Variants in AMMECR1L observed in about 807,000 individuals in gnomAD.
AMMECR1L encodes the protein AMMECR1 like, also known as AMMECR1-like protein.
In AMMECR1L, 4 loss-of-function variants were observed where a neutral mutation model predicts 36.8. The ratio of observed to expected loss-of-function variants is 0.11; its 90% CI spans 0.05 to 0.25. The LOEUF (loss-of-function observed/expected upper bound fraction) is 0.25, where lower values mean the gene tolerates loss of function less well. Among genes scored for constraint, AMMECR1L ranks in the 10% least tolerant of loss-of-function variants. AMMECR1L has a pLI of 1.00. For missense variants in AMMECR1L, 232 were observed against 392.1 expected (o/e 0.59, Z 3.45); for synonymous variants, 147 against 148.0 (o/e 0.99, Z 0.05).
intron 1 of AMMECR1L, chr2:127,885,490 C>T (rs896583615): frequency 2.0e-6 from 2 of 983,666 alleles, no homozygotes; most frequent in Non-Finnish European, 2.4e-6. Flanking sequence ...AGCGAGCGAG[C>T]CTGCTTCCTG....
chr2:127,870,299 C>T (rs1331605552), intron 5 of AMMECR1L, among the ~76,000 whole-genome samples: 1 of 141,800 alleles, frequency 7.1e-6, no homozygotes, highest in Non-Finnish European at 1.5e-5. Context: ...GGCGACAGAG[C>T]GAGACTCTGT....
intron 2 of AMMECR1L, among the ~76,000 whole-genome samples, chr2:127,879,965 T>C (rs1270391970): frequency 2.0e-5 from 3 of 152,304 alleles, no homozygotes; most frequent in East Asian, 3.9e-4. Context: ...CTACCAAGGA[T>C]GGTACTGTGA....
chr2:127,873,868 A>T lies in AMMECR1L; in HGVS notation c.367T>A (p.Phe123Ile). Residue 123 changes from phenylalanine to isoleucine, a missense_variant, in exon 3 of 8, where the codon TTC (phenylalanine) becomes ATC (isoleucine). By Grantham distance (21) the Phe-to-Ile change is conservative (BLOSUM62 0). Around this residue, in one of 3 missense-constraint regions of AMMECR1L, gnomAD observed 83 missense variants for 229.5 expected, o/e 0.36. Transcript: ENST00000272647. The surrounding 1 kb of genome is among the most constrained non-coding windows in gnomAD (Gnocchi z 5.2). ...FDVLYCHLYG[F>I]PQPRLPRFTN... is the part of the protein sequence containing the mutation. The stretch of plus-strand genomic sequence containing the variant: ...AATCTAGGAAGTCGTGGCTGTGGGA[A>T]GCCATAGAGGTGACAGTAGAGTACG... The T allele has an allele frequency of 6.2e-7, 1 of 1,614,176 alleles. No homozygotes were observed. The highest frequency in any genetic ancestry group is 8.5e-7 in the Non-Finnish European group (1 of 1,180,040).
Position 127,869,390 on chromosome 2 carries a change from T to C in AMMECR1L, c.724+64A>G, listed in dbSNP as rs1573541130. 1.2e-5 allele frequency: 17 copies of C among 1,476,884 alleles called. No individual in the cohort carries two copies. Among genetic ancestry groups the C allele is most frequent in the Non-Finnish European group, 1.6e-5 (17 of 1,055,614 alleles). 91.5% of individuals were successfully genotyped at this position (1,476,884 alleles called of 1,614,324 possible). ...CTGCAAGATGACACACTTCACTTTC[T>C]TGCCCTTTAACTGGCACCACTGTGA... On this transcript the variant is annotated intron_variant, in intron 6 of 7. Coordinates refer to ENST00000272647, the MANE Select transcript of AMMECR1L (RefSeq NM_001199140.2). The surrounding 1 kb of genome is among the most constrained non-coding windows in gnomAD (Gnocchi z 4.7).
intron 2 of AMMECR1L, among the ~76,000 whole-genome samples, chr2:127,878,743 T>C (rs1448290332): frequency 6.6e-6 from 1 of 152,270 alleles, no homozygotes; most frequent in Non-Finnish European, 1.5e-5. Context: ...TGATTTGCAA[T>C]GAACAGAACC....
chr2:127,881,330 T>TTTTTTTTTTTTTTTTTTTTTTTTGA (rs1553491258), intron 2 of AMMECR1L, among the ~76,000 whole-genome samples: 1 of 150,694 alleles, frequency 6.6e-6, no homozygotes, highest in African/African-American at 2.4e-5. Context: ...AGACTGCTAT[T>TTTTTTTTTTTTTTTTTTTTTTTTGA]GACACAAAGA....
intron 3 of AMMECR1L, among the ~76,000 whole-genome samples, chr2:127,872,298 G>A (rs373058545): frequency 6.6e-6 from 1 of 151,420 alleles, no homozygotes; most frequent in African/African-American, 2.4e-5. Flanking sequence ...TCAGCCTCCC[G>A]AAGTGCTGAG....
At chr2:127,875,747 A>G (rs1186141835) in intron 2 of AMMECR1L, among the ~76,000 whole-genome samples, 1 of 152,098 alleles carries the variant, frequency 6.6e-6, no homozygotes, top group African/African-American at 2.4e-5. Context: ...CTTGCTTGAA[A>G]TAGGGGCTTC....
At chr2:127,882,682 C>T (rs1193529796) in intron 2 of AMMECR1L, among the ~76,000 whole-genome samples, 1 of 152,098 alleles carries the variant, frequency 6.6e-6, no homozygotes, top group Non-Finnish European at 1.5e-5. Flanking sequence ...CGGCTTTGAA[C>T]TTCTGTGCTC....
intron 2 of AMMECR1L, among the ~76,000 whole-genome samples, chr2:127,882,015 T>C (rs1361388105): frequency 6.6e-6 from 1 of 152,204 alleles, no homozygotes; most frequent in Non-Finnish European, 1.5e-5. Flanking sequence ...AGACATACAC[T>C]AAAATAGAGA....
At chr2:127,881,339 G>A (rs1691493839) in intron 2 of AMMECR1L, among the ~76,000 whole-genome samples, 1 of 105,342 alleles carries the variant, frequency 9.5e-6, no homozygotes, top group South Asian at 5.5e-4. Flanking sequence ...TTGACACAAA[G>A]ATGTGATGAT....
In AMMECR1L at chr2:127,871,377, C is replaced by CAA. The variant is rs758753870; in HGVS notation, c.408-20_408-19dup. On this transcript the variant is annotated intron_variant, in intron 3 of 7. Coordinates refer to ENST00000272647, the MANE Select transcript of AMMECR1L (RefSeq NM_001199140.2). The surrounding 1 kb of genome is among the most constrained non-coding windows in gnomAD (Gnocchi z 4.3). ...AGAGCGGACTAAAAAAAGCAAAACACAAAACATTCTCCAGCCCCAAATTAA... is the reference window on the plus strand; with the variant it reads ...AGAGCGGACTAAAAAAAGCAAAACACAAAAAACATTCTCCAGCCCCAAATTAA... 5.6e-6 allele frequency: 9 copies of CAA among 1,609,630 alleles called. No individual in the cohort carries two copies. The African/African-American group carries it at 1.1e-4, about 19-fold the overall frequency.
In AMMECR1L at chr2:127,864,892, G is replaced by T; in HGVS notation, c.*202C>A. The T allele has an allele frequency of 2.2e-6, 1 of 449,352 alleles. No homozygotes were observed. The highest frequency in any genetic ancestry group is 4.0e-5 in the Admixed American group (1 of 24,756). 27.8% of individuals were successfully genotyped at this position (449,352 alleles called of 1,614,324 possible). On this transcript the variant is annotated 3_prime_UTR_variant, in exon 8 of 8. Coordinates refer to ENST00000272647, the MANE Select transcript of AMMECR1L (RefSeq NM_001199140.2). ...CATATTGAGGAAAGGCTGAGATAAG[G>T]CTTGGGCCCCTCAAGTTCTGTTTCG...
At chr2:127,872,513 T>C (rs1304646462) in intron 3 of AMMECR1L, among the ~76,000 whole-genome samples, 1 of 152,180 alleles carries the variant, frequency 6.6e-6, no homozygotes, top group Non-Finnish European at 1.5e-5. Flanking sequence ...ACCTCTTAGA[T>C]TGAGTTAATC....
intron 7 of AMMECR1L, 46 bp downstream of exon 7, chr2:127,866,854 A>G (rs1309581202): frequency 2.6e-6 from 4 of 1,553,020 alleles, no homozygotes; most frequent in Admixed American, 1.7e-5. Context: ...CCTCCATTCA[A>G]CCCCAACTAA....
In AMMECR1L at chr2:127,865,331, TCTTA is replaced by T. The variant is rs1405384737; in HGVS notation, c.822-130_822-127del. ...GAATAAAATGGAAGACCAAGAGCAA[TCTTA>T]CTTACAGAAAATGAAAGACAGCACA... On this transcript the variant is annotated intron_variant, in intron 7 of 7. Coordinates refer to ENST00000272647, the MANE Select transcript of AMMECR1L (RefSeq NM_001199140.2). This position sits in a 1 kb window ranked among gnomAD's most constrained non-coding sequence, Gnocchi z 5.4. 2.5e-5 allele frequency: 14 copies of T among 557,716 alleles called. No individual in the cohort carries two copies. The highest frequency in any genetic ancestry group is 4.4e-5 in the Non-Finnish European group (14 of 317,386). 34.5% of individuals were successfully genotyped at this position (557,716 alleles called of 1,614,324 possible).
At chr2:127,883,217 C>T (rs770281462) in intron 2 of AMMECR1L, among the ~76,000 whole-genome samples, 4 of 151,982 alleles carry the variant, frequency 2.6e-5, no homozygotes, top group Non-Finnish European at 4.4e-5. Context: ...CTGCCTCAGC[C>T]TCCCAAGTAG....
In AMMECR1L at chr2:127,874,103, A is replaced by G; in HGVS notation, c.132T>C (p.Ser44=). ...GGTGGTTTTGAAGAGGTCCTGAACTAGAGCCGGGGACAGTTGTGGACTGAT... is the reference window on the plus strand; with the variant it reads ...GGTGGTTTTGAAGAGGTCCTGAACTGGAGCCGGGGACAGTTGTGGACTGAT... ...HGNQSTTVPG[S]SSGPLQNHQH... Residue 44 remains serine (S), a synonymous_variant, in exon 3 of 8, where the codon TCT becomes TCC. Transcript: ENST00000272647. This position sits in a 1 kb window ranked among gnomAD's most constrained non-coding sequence, Gnocchi z 5.2. The G allele has an allele frequency of 6.2e-7, 1 of 1,614,200 alleles. No individual in the cohort carries two copies. Among genetic ancestry groups the G allele is most frequent in the South Asian group, 1.1e-5 (1 of 91,078 alleles).
At chr2:127,870,643 A>G (rs1037816774) in intron 5 of AMMECR1L, among the ~76,000 whole-genome samples, 171 bp downstream of exon 5, 7 of 152,032 alleles carry the variant, frequency 4.6e-5, no homozygotes, top group Admixed American at 3.3e-4. Flanking sequence ...ACTTCTGCCT[A>G]CTCCTGGTAT....
Sources: allele counts gnomAD v4.1 joint callset (sites outside exome capture counted in the v4.1 genomes callset), GRCh38; gene constraint gnomAD v4.1.1; regional missense constraint gnomAD v4.1.1; non-coding constraint Gnocchi (gnomAD v3.1); transcripts MANE v1.5; gene names NCBI Gene and HGNC (gene_info 2026-07-23, HGNC 2026-07-21).